ASIC2: variants seen among roughly 807,000 people sequenced by gnomAD.
The protein encoded by ASIC2 is acid sensing ion channel subunit 2.
ASIC2 carries 25 observed loss-of-function variants against 57.3 expected under a neutral mutation model. The ratio of observed to expected loss-of-function variants is 0.44; its 90% CI spans 0.32 to 0.61. ASIC2 has a LOEUF of 0.61. Among genes scored for constraint, ASIC2 ranks in the 20% least tolerant of loss-of-function variants. The pLI is 0.06. For missense variants in ASIC2, 641 were observed against 738.1 expected, an observed-to-expected ratio of 0.87 and a Z score of 1.52; for synonymous variants, 319 against 307.5, an observed-to-expected ratio of 1.04 and a Z score of -0.39.
chr17:33,294,311 G>A (rs917111074), upstream of ASIC2, among the ~76,000 whole-genome samples: 2 of 152,178 alleles, frequency 1.3e-5, no homozygotes, highest in Admixed American at 1.3e-4. Flanking sequence ...AAGGACCAAC[G>A]TGTGTATCCT....
intron 1 of ASIC2, among the ~76,000 whole-genome samples, chr17:33,855,005 T>G (rs1221342942): frequency 6.6e-6 from 1 of 152,128 alleles, no homozygotes; most frequent in Non-Finnish European, 1.5e-5. Flanking sequence ...GTTAGAAAAT[T>G]AGACAGGCAG....
chr17:34,058,162 T>A (rs1908839138), intron 1 of ASIC2, among the ~76,000 whole-genome samples: 1 of 152,252 alleles, frequency 6.6e-6, no homozygotes, highest in African/African-American at 2.4e-5. Context: ...TCTTTTTACA[T>A]TTTACCTTAT....
chr17:33,739,111 T>C (rs1910016374), intron 1 of ASIC2, among the ~76,000 whole-genome samples: 1 of 152,204 alleles, frequency 6.6e-6, no homozygotes, highest in Non-Finnish European at 1.5e-5. Flanking sequence ...ACTTCTAAGA[T>C]GCAATGCTCT....
rs137909184 is a variant in ASIC2 at position 33,328,479 on chromosome 17, C to A, written c.556-216412G>T. Among the ~76,000 whole-genome samples, 414 of 152,276 alleles carry A rather than the reference C, an allele frequency of 2.7e-3. 2 individuals carry two copies. The highest frequency in any genetic ancestry group is 3.6e-3 in the Non-Finnish European group (246 of 68,026). ...ATTCTCTCTCTTCCATTCTCCTCTT[C>A]CCTCTTCTAATCAGGATGCTGTAGA... On this transcript the variant is annotated intron_variant, in intron 1 of 9. Coordinates refer to the ASIC2 transcript ENST00000359872.
intron 1 of ASIC2, among the ~76,000 whole-genome samples, chr17:33,906,992 A>G (rs777753779): frequency 1.3e-5 from 2 of 152,036 alleles, no homozygotes; most frequent in Non-Finnish European, 2.9e-5. Flanking sequence ...CAGCTGAAAG[A>G]TGCTCTTTTG....
chr17:33,888,754 T>A (rs1260193994), intron 1 of ASIC2, among the ~76,000 whole-genome samples: 1 of 151,998 alleles, frequency 6.6e-6, no homozygotes, highest in Non-Finnish European at 1.5e-5. Context: ...CAGTTCTGAG[T>A]GCACATCAGA....
chr17:33,884,835 A>G (rs1914789593), intron 1 of ASIC2, among the ~76,000 whole-genome samples: 1 of 151,968 alleles, frequency 6.6e-6, no homozygotes, highest in Admixed American at 6.6e-5. Flanking sequence ...GCTTTTATTC[A>G]TTTTTGTATT....
At chr17:33,967,339 A>G (rs1905104250) in intron 1 of ASIC2, among the ~76,000 whole-genome samples, 1 of 152,080 alleles carries the variant, frequency 6.6e-6, no homozygotes, top group Non-Finnish European at 1.5e-5. Context: ...AGGCTAAAGC[A>G]ATCTTTCCAC....
At chr17:33,233,803 GAC>G (rs1028984068) in intron 1 of ASIC2, among the ~76,000 whole-genome samples, 19 of 151,592 alleles carry the variant, frequency 1.3e-4, no homozygotes, top group Non-Finnish European at 2.2e-4. Context: ...CACATAAACA[GAC>G]ACACACACAG....
chr17:33,601,634 C>G (rs1289175595), intron 1 of ASIC2, among the ~76,000 whole-genome samples: 1 of 152,218 alleles, frequency 6.6e-6, no homozygotes, highest in Non-Finnish European at 1.5e-5. Context: ...GGAGTTAAGT[C>G]ACTGCAGAAA....
chr17:33,351,325 T>A (rs1908169614), intron 1 of ASIC2, among the ~76,000 whole-genome samples: 1 of 151,890 alleles, frequency 6.6e-6, no homozygotes, highest in African/African-American at 2.4e-5. Flanking sequence ...CTAAGCACCA[T>A]GAGCAGCCCC....
chr17:33,291,441 G>C lies in ASIC2; in HGVS notation c.675C>G (p.Arg225=). Residue 225 remains arginine, a synonymous_variant, in exon 1 of 10, where the codon CGC becomes CGG. Transcript: ENST00000225823. ...AGTTGTGCGGCCCGCAGAGCTCGCC[G>C]CGGTACTTGCAGGAGAGCAGCATGT... ...LEDMLLSCKY[R]GELCGPHNFS... 1.2e-6 allele frequency: 2 copies of C among 1,607,184 alleles called. No individual in the cohort carries two copies. Among genetic ancestry groups the C allele is most frequent in the Non-Finnish European group, 1.7e-6 (2 of 1,176,798 alleles).
chr17:33,182,668 T>A (rs1906033594), intron 1 of ASIC2, among the ~76,000 whole-genome samples: 1 of 152,208 alleles, frequency 6.6e-6, no homozygotes, highest in African/African-American at 2.4e-5. Context: ...GCAACACCAA[T>A]ATAGACAGCA....
At chr17:33,306,694 T>C (rs1210220434) in intron 1 of ASIC2, among the ~76,000 whole-genome samples, 1 of 152,152 alleles carries the variant, frequency 6.6e-6, no homozygotes, top group Non-Finnish European at 1.5e-5. Context: ...TCTGTTATTA[T>C]AGCTCTTAAC....
chr17:33,593,408 C>G (rs552630189), intron 1 of ASIC2, among the ~76,000 whole-genome samples: 11 of 152,234 alleles, frequency 7.2e-5, no homozygotes, highest in African/African-American at 2.2e-4. Flanking sequence ...AAGGGCTCGC[C>G]CATCACTGAT....
At chr17:33,118,451 C>T (rs753774824) in intron 1 of ASIC2, among the ~76,000 whole-genome samples, 1 of 152,168 alleles carries the variant, frequency 6.6e-6, no homozygotes, top group Non-Finnish European at 1.5e-5. Flanking sequence ...TCACTCTTGG[C>T]CTAATTCCAA....
chr17:33,111,186 C>A (rs941968967), intron 2 of ASIC2, among the ~76,000 whole-genome samples: 1 of 152,184 alleles, frequency 6.6e-6, no homozygotes, highest in Non-Finnish European at 1.5e-5. Flanking sequence ...TGATCCAAGA[C>A]CATCTCAAGA....
At chr17:33,686,313 A>T (rs1908188555) in intron 1 of ASIC2, among the ~76,000 whole-genome samples, 1 of 152,184 alleles carries the variant, frequency 6.6e-6, no homozygotes, top group South Asian at 2.1e-4. Flanking sequence ...CTTCGGATGG[A>T]GAACCTATAG....
At chr17:33,427,263 A>T (rs572711097) in intron 1 of ASIC2, among the ~76,000 whole-genome samples, 1 of 152,372 alleles carries the variant, frequency 6.6e-6, no homozygotes, top group South Asian at 2.1e-4. Context: ...ACAACAACCA[A>T]GCTTCAAAAA....
Sources: allele counts gnomAD v4.1 joint callset (sites outside exome capture counted in the v4.1 genomes callset), GRCh38; gene constraint gnomAD v4.1.1; transcripts MANE v1.5; gene names NCBI Gene and HGNC (gene_info 2026-07-23, HGNC 2026-07-21).